Variants in SLC1A1 observed in about 807,000 individuals in gnomAD.
SLC1A1 encodes the protein solute carrier family 1 member 1, also known as excitatory amino acid transporter 3.
A neutral mutation model predicts 53.3 loss-of-function variants in SLC1A1; 43 were observed. The observed-to-expected ratio is 0.81, with a 90% CI of 0.63 to 1.04. SLC1A1 has a LOEUF of 1.04. SLC1A1 is among the 50% of genes least tolerant of loss of function. The pLI is 0.00. For missense variants in SLC1A1, 748 were observed against 664.9 expected (o/e 1.12, Z -1.37); for synonymous variants, 307 against 243.2 (o/e 1.26, Z -2.44).
At chr9:4,574,082 G>T in intron 8 of SLC1A1, 68 bp downstream of exon 8, 1 of 1,028,262 alleles carries the variant, frequency 9.7e-7, no homozygotes. Context: ...TGAGAGGTTG[G>T]GTTTCAGTTG....
intron 3 of SLC1A1, 115 bp from the exon 4 acceptor site, chr9:4,564,229 T>A (rs1295242729): frequency 2.6e-6 from 2 of 755,138 alleles, no homozygotes; most frequent in Non-Finnish European, 4.7e-6. Flanking sequence ...GACCTCAGGG[T>A]CCTCCCCATC....
intron 1 of SLC1A1, among the ~76,000 whole-genome samples, chr9:4,505,762 T>C (rs1221724470): frequency 6.6e-6 from 1 of 152,090 alleles, no homozygotes; most frequent in East Asian, 1.9e-4. Context: ...GTTCAAGCAA[T>C]TCTGCTGCCT....
intron 1 of SLC1A1, among the ~76,000 whole-genome samples, chr9:4,511,566 TACACACACACACACACACACACACAC>T (rs113277990): frequency 6.8e-6 from 1 of 146,238 alleles, no homozygotes; most frequent in African/African-American, 2.5e-5. Context: ...TTAAGAATTC[TACACACACACACACACACACACACAC>T]ACACACACTA....
chr9:4,494,278 C>T (rs1820334123), intron 1 of SLC1A1, among the ~76,000 whole-genome samples: 1 of 142,658 alleles, frequency 7.0e-6, no homozygotes, highest in South Asian at 2.3e-4. Context: ...TCAATTTCCT[C>T]ATCTGGAAAT....
intron 10 of SLC1A1, among the ~76,000 whole-genome samples, chr9:4,579,797 GAAACATAGGTACCATCTACCCA>G: frequency 6.6e-6 from 1 of 152,060 alleles, no homozygotes. Context: ...GGACATCAAA[GAAACATAGGTACCATCTACCCA>G]AAACATACCC....
chr9:4,510,404 A>G (rs560113571), intron 1 of SLC1A1, among the ~76,000 whole-genome samples: 3 of 152,212 alleles, frequency 2.0e-5, no homozygotes, highest in South Asian at 4.2e-4. Context: ...ATAATTTAGG[A>G]CTCTTCTAAT....
chr9:4,568,166 TC>T (rs1819663099), intron 6 of SLC1A1, among the ~76,000 whole-genome samples: 1 of 152,084 alleles, frequency 6.6e-6, no homozygotes, highest in Admixed American at 6.5e-5. Flanking sequence ...ATGTCTGTAA[TC>T]CCAGCATGCT....
intron 1 of SLC1A1, among the ~76,000 whole-genome samples, chr9:4,541,147 T>G (rs148408042): frequency 6.6e-6 from 1 of 152,334 alleles, no homozygotes; most frequent in Non-Finnish European, 1.5e-5. Flanking sequence ...TCTGCTGAAG[T>G]CCTTCCTGCT....
At chr9:4,518,576 A>G (rs974556935) in intron 1 of SLC1A1, among the ~76,000 whole-genome samples, 1 of 152,124 alleles carries the variant, frequency 6.6e-6, no homozygotes, top group African/African-American at 2.4e-5. Context: ...CTCTGTAGAC[A>G]TCTTTCATTT....
Position 4,572,238 on chromosome 9 carries a change from A to G in SLC1A1, c.617A>G (p.Tyr206Cys). The change falls in exon 7 of 12, where the codon TAT becomes TGT. Residue 206 changes from tyrosine to cysteine, a missense_variant. By Grantham distance (194) the Tyr-to-Cys change is radical. Coordinates refer to ENST00000262352, the MANE Select transcript of SLC1A1 (RefSeq NM_004170.6). The stretch of plus-strand genomic sequence containing the variant: ...AAGGAATACAAAATTGTTGGCATGT[A>G]TTCAGATGGCATAAACGTCCTGGGC... Reference protein sequence around the residue: ...KTKEYKIVGMYSDGINVLGLI... With the variant: ...KTKEYKIVGMCSDGINVLGLI... 6.2e-7 allele frequency: 1 copy of G among 1,614,064 alleles called. No homozygotes were observed. The highest frequency in any genetic ancestry group is 1.3e-5 in the African/African-American group (1 of 75,058).
In SLC1A1 at chr9:4,508,381, A is replaced by G. The variant is rs549179514; in HGVS notation, c.91+17611A>G. ...TGGTTGTCCCGAGACTGATAGATTC[A>G]CCCACCTGCTGGGCTCTAAGCCAGT... On this transcript the variant is annotated intron_variant, in intron 1 of 11. Transcript: ENST00000262352. 2.0e-3 allele frequency among the ~76,000 whole-genome samples: 302 copies of G among 152,224 alleles called. 1 individual carries two copies. The highest frequency in any genetic ancestry group is 3.7e-3 in the Non-Finnish European group (249 of 68,018).
intron 6 of SLC1A1, among the ~76,000 whole-genome samples, chr9:4,568,248 C>T (rs967330449): frequency 6.6e-6 from 1 of 151,856 alleles, no homozygotes; most frequent in African/African-American, 2.4e-5. Flanking sequence ...AGTGACACCT[C>T]ACCTCTACAA....
intron 1 of SLC1A1, among the ~76,000 whole-genome samples, chr9:4,493,572 A>G (rs1820312318): frequency 6.6e-6 from 1 of 152,228 alleles, no homozygotes; most frequent in African/African-American, 2.4e-5. Context: ...ATTAACTATC[A>G]TGACAAAACA....
intron 1 of SLC1A1, among the ~76,000 whole-genome samples, chr9:4,538,396 T>C (rs1046266495): frequency 2.6e-5 from 4 of 152,230 alleles, no homozygotes; most frequent in Non-Finnish European, 4.4e-5. Flanking sequence ...CAATGAGATA[T>C]AAAATTATCT....
chr9:4,569,590 G>T (rs1245094729), intron 6 of SLC1A1, among the ~76,000 whole-genome samples: 1 of 152,226 alleles, frequency 6.6e-6, no homozygotes, highest in Non-Finnish European at 1.5e-5. Context: ...ACACAGGAAG[G>T]AATGATTTAA....
Position 4,583,055 on chromosome 9 carries a change from C to A in SLC1A1, c.1211C>A (p.Ala404Asp). The A allele has an allele frequency of 6.2e-7, 1 of 1,614,240 alleles. No homozygotes were observed. The highest frequency in any genetic ancestry group is 1.7e-5 in the Admixed American group (1 of 60,036). ...TTCTGCAGTATCACGGCCACATCTG[C>A]CAGCATCGGAGCTGCTGGCGTGCCC... Reference protein sequence around the residue: ...IITISITATSASIGAAGVPQA... With the variant: ...IITISITATSDSIGAAGVPQA... The change falls in exon 11 of 12, where the codon GCC becomes GAC. Residue 404 changes from alanine to aspartate, a missense_variant. Ala to Asp is a moderately radical substitution (Grantham distance 126). Transcript: ENST00000262352. The surrounding 1 kb of genome is among the most constrained non-coding windows in gnomAD (Gnocchi z 4.6).
Position 4,490,516 on chromosome 9 carries a change from G to C in SLC1A1, c.-164G>C. ...CGGCGGGCGCGGTGCGCGATCCCGG[G>C]TGGCGGCGGCAACGGCGGTGGTGAC... is the stretch of plus-strand genomic sequence containing the variant. On this transcript the variant is annotated 5_prime_UTR_variant, in exon 1 of 12. Coordinates refer to ENST00000262352, the MANE Select transcript of SLC1A1 (RefSeq NM_004170.6). 2.4e-6 allele frequency: 1 copy of C among 423,842 alleles called. No homozygotes were observed. Among genetic ancestry groups the C allele is most frequent in the African/African-American group, 2.1e-5 (1 of 47,592 alleles). 26.3% of individuals were successfully genotyped at this position (423,842 alleles called of 1,614,324 possible).
At chr9:4,567,628 CT>C (rs760433538) in intron 5 of SLC1A1, 40 bp from the exon 6 acceptor site, 2 of 1,359,806 alleles carry the variant, frequency 1.5e-6, no homozygotes, top group East Asian at 2.3e-5. Context: ...AAAAAAAATT[CT>C]TTTTTTGTTT....
chr9:4,561,546 T>A lies in SLC1A1; in HGVS notation c.325+5T>A. On this transcript the variant is annotated splice_donor_5th_base_variant and intron_variant, in intron 3 of 11. Transcript: ENST00000262352. ...CTCTCATTGCTGTTATTCTAGGTAA[T>A]ACTTATTTCTGAATCCTTACTACTT... is the stretch of plus-strand genomic sequence containing the variant. 1.3e-6 allele frequency: 2 copies of A among 1,490,596 alleles called. No homozygotes were observed. The highest frequency in any genetic ancestry group is 1.9e-6 in the Non-Finnish European group (2 of 1,067,300). The allele number at this position is 1,490,596 out of a possible 1,614,324, so 92.3% of individuals were successfully genotyped here. A position where few individuals can be genotyped will look rare whatever the true frequency, so the allele number is the denominator to read the frequency against.
Sources: allele counts gnomAD v4.1 joint callset (sites outside exome capture counted in the v4.1 genomes callset), GRCh38; gene constraint gnomAD v4.1.1; non-coding constraint Gnocchi (gnomAD v3.1); transcripts MANE v1.5; gene names NCBI Gene and HGNC (gene_info 2026-07-23, HGNC 2026-07-21).